SLC7A1: variants seen among roughly 807,000 people sequenced by gnomAD.
SLC7A1 encodes the protein high affinity cationic amino acid transporter 1.
A neutral mutation model predicts 53.9 loss-of-function variants in SLC7A1; 10 were observed. The observed-to-expected ratio is 0.19, with a 90% CI of 0.11 to 0.31. The LOEUF (loss-of-function observed/expected upper bound fraction) is 0.31, where lower values mean the gene tolerates loss of function less well. Among genes scored for constraint, SLC7A1 ranks in the 10% least tolerant of loss-of-function variants. SLC7A1 has a pLI of 1.00. For missense variants in SLC7A1, 525 were observed against 827.2 expected (o/e 0.63, Z 4.48); for synonymous variants, 342 against 338.7 (o/e 1.01, Z -0.11).
intron 12 of SLC7A1, 47 bp from the exon 13 acceptor site, chr13:29,514,630 C>T (rs766803989): frequency 2.8e-6 from 4 of 1,430,360 alleles, no homozygotes; most frequent in Non-Finnish European, 3.8e-6. Context: ...GCCGGTTGCA[C>T]CACCGCAGGC....
chr13:29,564,084 G>A lies in SLC7A1; in HGVS notation c.-114-10224C>T, dbSNP rs1169027686. Among the ~76,000 whole-genome samples, 3 of 152,168 alleles carry A rather than the reference G, an allele frequency of 2.0e-5. No individual in the cohort carries two copies. In the East Asian group the frequency reaches 5.8e-4, roughly 29 times the overall value. ...AAACCATGACTAACACAGGAAAATA[G>A]TGGGGAGAAAGAGGAAGGGAGGACA... On this transcript the variant is annotated intron_variant, in intron 1 of 12. Coordinates refer to ENST00000380752, the MANE Select transcript of SLC7A1 (RefSeq NM_003045.5).
In SLC7A1 at chr13:29,524,204, A is replaced by G; in HGVS notation, c.754T>C (p.Phe252Leu). The G allele has an allele frequency of 6.2e-7, 1 of 1,614,090 alleles. No homozygotes were observed. The highest frequency in any genetic ancestry group is 1.1e-5 in the South Asian group (1 of 91,072). ...GCTGCCCCCGACAGGACACCAGAGA[A>G]CCCGAAGGGCATGAATCCACCAACA... ...PGVGGFMPFG[F>L]SGVLSGAATC... The change falls in exon 6 of 13, where the codon TTC (phenylalanine) becomes CTC (leucine). Residue 252 changes from phenylalanine (F) to leucine (L), a missense_variant. Physicochemically the swap from Phe to Leu is conservative, Grantham distance 22. This residue lies in a region of SLC7A1 where 354 missense variants were observed against 587.5 expected (regional missense o/e 0.60). Transcript: ENST00000380752.
chr13:29,528,152 T>A (rs1043269088), intron 5 of SLC7A1, among the ~76,000 whole-genome samples: 4 of 152,238 alleles, frequency 2.6e-5, no homozygotes, highest in Non-Finnish European at 4.4e-5. Context: ...AGCGACAAGC[T>A]GGACTGACCA....
At chr13:29,519,587 T>C (rs889089106) in intron 8 of SLC7A1, 38 bp from the exon 9 acceptor site, 4 of 1,321,222 alleles carry the variant, frequency 3.0e-6, no homozygotes, top group Admixed American at 1.8e-5. Context: ...TGGAGGGCCA[T>C]CTGCATGCAA....
intron 1 of SLC7A1, among the ~76,000 whole-genome samples, chr13:29,574,316 G>A (rs568202191): frequency 4.6e-5 from 7 of 152,340 alleles, no homozygotes; most frequent in Non-Finnish European, 8.8e-5. Context: ...CTTCCAGAAA[G>A]GCCTACAGAG....
At chr13:29,593,086 G>C (rs1212206503) in intron 1 of SLC7A1, among the ~76,000 whole-genome samples, 2 of 152,202 alleles carry the variant, frequency 1.3e-5, no homozygotes, top group African/African-American at 2.4e-5. Flanking sequence ...GCAGGCACCT[G>C]AGAGGGGCCC....
intron 1 of SLC7A1, among the ~76,000 whole-genome samples, chr13:29,554,097 C>A (rs1055139479): frequency 6.6e-6 from 1 of 152,178 alleles, no homozygotes; most frequent in African/African-American, 2.4e-5. Context: ...GAGATTCCAC[C>A]GCTTTACCTC....
rs144354240 is a variant in SLC7A1, at chr13:29,561,717, G to C, written c.-114-7857C>G. Among the ~76,000 whole-genome samples, 350 of 152,226 alleles carry C rather than the reference G, an allele frequency of 2.3e-3. 13 individuals carry two copies. The highest frequency in any genetic ancestry group is 2.2e-3 in the Non-Finnish European group (151 of 68,016). On this transcript the variant is annotated intron_variant, in intron 1 of 12. Transcript: ENST00000380752. ...ACCTCAGCGTCCCTGGAACCACAAG[G>C]GCAGGCCCCAGGCATCACCGAAGAA...
In SLC7A1 at chr13:29,543,125, C is replaced by T. The variant is rs280955; in HGVS notation, c.-14-6923G>A. On this transcript the variant is annotated intron_variant, in intron 2 of 12. Transcript: ENST00000380752. ...TGGAAAGCACAGAGTGGTGGGGTTGCGGGGGGTGCGAGGCTATGAACATAC... is the reference window on the plus strand; with the variant it reads ...TGGAAAGCACAGAGTGGTGGGGTTGTGGGGGGTGCGAGGCTATGAACATAC... Among the ~76,000 whole-genome samples the T allele has an allele frequency of 2.4e-3, 365 of 152,122 alleles. 2 individuals carry two copies. Among genetic ancestry groups the T allele is most frequent in the African/African-American group, 8.2e-3 (340 of 41,492 alleles).
At chr13:29,591,389 T>C (rs1467325815) in intron 1 of SLC7A1, among the ~76,000 whole-genome samples, 1 of 152,214 alleles carries the variant, frequency 6.6e-6, no homozygotes, top group Admixed American at 6.5e-5. Context: ...GGCTCTGCTC[T>C]TTCTGCCAGT....
In SLC7A1 at chr13:29,592,808, G is replaced by A. The variant is rs572927875; in HGVS notation, c.-115+2608C>T. On this transcript the variant is annotated intron_variant, in intron 1 of 12. Transcript: ENST00000380752. ...CCAGGGATCTGATGCCTCCCCACCC[G>A]AGGCCTGGGAAACCTGAGGGTAGGC... Among the ~76,000 whole-genome samples the A allele has an allele frequency of 5.3e-5, 8 of 152,258 alleles. No homozygotes were observed. In the South Asian group the frequency reaches 1.0e-3, roughly 20 times the overall value.
intron 5 of SLC7A1, among the ~76,000 whole-genome samples, chr13:29,525,115 G>A (rs1017220774): frequency 6.6e-5 from 10 of 152,170 alleles, no homozygotes; most frequent in South Asian, 4.1e-4. Flanking sequence ...CAGTGCAGGC[G>A]GCTTCCCTGG....
intron 2 of SLC7A1, among the ~76,000 whole-genome samples, chr13:29,552,153 A>T (rs573449945): frequency 3.3e-5 from 5 of 151,954 alleles, no homozygotes; most frequent in African/African-American, 1.2e-4. Context: ...CTCAGAATTA[A>T]CGATATGAAC....
rs1414529387 is a variant in SLC7A1, at chr13:29,512,569, A to G, written c.*1911T>C. 1 of 152,234 alleles carries G rather than the reference A, an allele frequency of 6.6e-6. No individual in the cohort carries two copies. Among genetic ancestry groups the G allele is most frequent in the Non-Finnish European group, 1.5e-5 (1 of 68,030 alleles). 9.4% of individuals were successfully genotyped at this position (152,234 alleles called of 1,614,324 possible). A position where few individuals can be genotyped will look rare whatever the true frequency, so the allele number is the denominator to read the frequency against. ...CCTATGTAGAAAATAACGGAAAAAA[A>G]AATCAAGCAAATAACTACCAGGTCC... On this transcript the variant is annotated 3_prime_UTR_variant, in exon 13 of 13. Coordinates refer to ENST00000380752, the MANE Select transcript of SLC7A1 (RefSeq NM_003045.5).
chr13:29,516,584 AC>A (rs753500819), intron 11 of SLC7A1, among the ~76,000 whole-genome samples: 7 of 152,218 alleles, frequency 4.6e-5, no homozygotes, highest in South Asian at 2.1e-4. Flanking sequence ...AAGGTCAACA[AC>A]CTTTTTTATT....
intron 2 of SLC7A1, among the ~76,000 whole-genome samples, chr13:29,538,621 G>A (rs1869530913): frequency 6.6e-6 from 1 of 152,258 alleles, no homozygotes; most frequent in Admixed American, 6.5e-5. Context: ...GGCTCAGGGA[G>A]TGATTTCTCC....
intron 5 of SLC7A1, among the ~76,000 whole-genome samples, chr13:29,528,743 A>T (rs1193222717): frequency 3.3e-5 from 5 of 152,208 alleles, no homozygotes; most frequent in African/African-American, 9.6e-5. Flanking sequence ...CCCTGTGGTC[A>T]GGGGGCTGGG....
intron 1 of SLC7A1, among the ~76,000 whole-genome samples, chr13:29,571,856 T>G (rs1871206507): frequency 6.6e-6 from 1 of 152,214 alleles, no homozygotes; most frequent in South Asian, 2.1e-4. Context: ...AGACAAATGA[T>G]TAAAGAATCA....
intron 1 of SLC7A1, among the ~76,000 whole-genome samples, chr13:29,590,588 C>T (rs1593588103): frequency 2.0e-5 from 3 of 152,208 alleles, no homozygotes; most frequent in East Asian, 1.9e-4. Flanking sequence ...TCCATCCAGG[C>T]AGTCAGAGCC....
Sources: gnomAD v4.1 joint callset for allele counts (sites outside exome capture counted in the v4.1 genomes callset) on GRCh38, gnomAD v4.1.1 for gene constraint, gnomAD v4.1.1 regional missense constraint, MANE v1.5 for transcripts, NCBI Gene and HGNC (gene_info 2026-07-23, HGNC 2026-07-21) for gene names.